Variants in MIB2 observed in about 807,000 individuals in gnomAD.
MIB2 encodes MIB E3 ubiquitin protein ligase 2.
Under a neutral mutation model 96.6 loss-of-function variants are expected in MIB2, and 78 were observed. The ratio of observed to expected loss-of-function variants is 0.81; its 90% CI spans 0.67 to 0.97. The LOEUF is 0.97. MIB2 is among the 50% of genes least tolerant of loss of function. MIB2 has a pLI of 0.00. For missense variants in MIB2, 1,543 were observed against 1,424.0 expected, an observed-to-expected ratio of 1.08 and a Z score of -1.35; for synonymous variants, 820 against 629.5, an observed-to-expected ratio of 1.30 and a Z score of -4.53.
chr1:1,615,192 CAA>C (rs1643472578), upstream of MIB2: 4 of 568,732 alleles, frequency 7.0e-6, no homozygotes, highest in African/African-American at 8.1e-5. Context: ...CTGCGTGACT[CAA>C]AACCCCGGAT....
At chr1:1,629,789 C>A (rs1250823162) in intron 19 of MIB2, 85 bp downstream of exon 19, 1 of 1,372,906 alleles carries the variant, frequency 7.3e-7, no homozygotes, top group Non-Finnish European at 9.7e-7. Context: ...CCCTCCCACA[C>A]TTCCGCCCAT....
At position 1,626,700 on chromosome 1, in the gene MIB2, C is replaced by T. The variant is rs187839862; in HGVS notation, c.1023C>T (p.Asp341=). ...TGGTCCGGGTCATCGGCGACCTTGA[C>T]ACAGTGAAGCGGCTGCAGGCTGGGC... ...GDVVRVIGDL[D]TVKRLQAGHG... is the part of the protein sequence containing the mutation. Residue 341 remains aspartate, a synonymous_variant, in exon 9 of 20, where the codon GAC becomes GAT. Transcript: ENST00000355826. This position sits in a 1 kb window ranked among gnomAD's most constrained non-coding sequence, Gnocchi z 5.3. The T allele has an allele frequency of 7.9e-4, 1,259 of 1,601,174 alleles. 11 individuals carry two copies. The East Asian group carries it at 0.027, about 34-fold the overall frequency.
chr1:1,630,161 CG>C, intron 19 of MIB2, 130 bp from the exon 20 acceptor site: 4 of 343,874 alleles, frequency 1.2e-5, no homozygotes, highest in South Asian at 3.1e-5. Context: ...TCACCCACCC[CG>C]CCAGCCCCCC....
In MIB2 at chr1:1,630,306, G is replaced by A. The variant is rs1320029593; in HGVS notation, c.2644G>A (p.Ala882Thr). 1 of 1,522,708 alleles carries A rather than the reference G, an allele frequency of 6.6e-7. No individual in the cohort carries two copies. Among genetic ancestry groups the A allele is most frequent in the Non-Finnish European group, 8.8e-7 (1 of 1,141,886 alleles). 94.3% of individuals were successfully genotyped at this position (1,522,708 alleles called of 1,614,324 possible). A position where few individuals can be genotyped will look rare whatever the true frequency, so the allele number is the denominator to read the frequency against. ...CCACCCCGCAGACGGCTCTGAGGTG[G>A]CGAGCGCCGCCCCCGCCCCCGGCCC... ...KKLRPDGSEV[A>T]SAAPAPGPPR... The change falls in exon 20 of 20, where the codon GCG becomes ACG. Residue 882 changes from alanine to threonine, a missense_variant. Ala to Thr is a moderately conservative substitution (Grantham distance 58). Transcript: ENST00000355826.
chr1:1,626,520 G>A lies in MIB2; in HGVS notation c.973-130G>A, dbSNP rs2100505261. 4 of 745,872 alleles carry A rather than the reference G, an allele frequency of 5.4e-6. No individual in the cohort carries two copies. Among genetic ancestry groups the A allele is most frequent in the Middle Eastern group, 3.9e-4 (1 of 2,550 alleles). 46.2% of individuals were successfully genotyped at this position (745,872 alleles called of 1,614,324 possible). A position where few individuals can be genotyped will look rare whatever the true frequency, so the allele number is the denominator to read the frequency against. ...GCCAGAGCCTCTGGCAGTGCCTGGGGTCGGGGTCGGGGCCGGGGCCGAGTC... is the reference window on the plus strand; with the variant it reads ...GCCAGAGCCTCTGGCAGTGCCTGGGATCGGGGTCGGGGCCGGGGCCGAGTC... On this transcript the variant is annotated intron_variant, in intron 8 of 19. Transcript: ENST00000355826. The surrounding 1 kb of genome is among the most constrained non-coding windows in gnomAD (Gnocchi z 5.3).
Position 1,630,281 on chromosome 1 carries a change from C to G in MIB2, c.2630-11C>G, listed in dbSNP as rs1454781509. 4 of 1,465,124 alleles carry G rather than the reference C, an allele frequency of 2.7e-6. No individual in the cohort carries two copies. In the Admixed American group the frequency reaches 6.4e-5, roughly 23 times the overall value. 90.8% of individuals were successfully genotyped at this position (1,465,124 alleles called of 1,614,324 possible). ...CGGCCTCCCAGCTCACACCCGTCCC[C>G]CACCCCGCAGACGGCTCTGAGGTGG... On this transcript the variant is annotated splice_polypyrimidine_tract_variant and intron_variant, in intron 19 of 19. Transcript: ENST00000355826.
chr1:1,628,809 C>A, intron 16 of MIB2, 87 bp downstream of exon 16: 3 of 1,194,052 alleles, frequency 2.5e-6, no homozygotes, highest in Non-Finnish European at 3.4e-6. Context: ...TGTCCACCTT[C>A]CCCTCCAGTG....
At chr1:1,623,290 A>T (rs1644425038) in intron 2 of MIB2, 141 bp from the exon 3 acceptor site, 1 of 1,392,248 alleles carries the variant, frequency 7.2e-7, no homozygotes. Context: ...CTAGGGCTTG[A>T]ACCAGCCTGC....
rs979567484 is a variant in MIB2, at chr1:1,626,635, C to T, written c.973-15C>T. ...CACAGCTGGGGGGCCCCTCACGCCC[C>T]TCTTTGTCGCTCAGCACCACTCCTT... On this transcript the variant is annotated splice_polypyrimidine_tract_variant and intron_variant, in intron 8 of 19. Coordinates refer to ENST00000355826, the MANE Select transcript of MIB2 (RefSeq NM_001170687.4). This position sits in a 1 kb window ranked among gnomAD's most constrained non-coding sequence, Gnocchi z 5.3. The T allele has an allele frequency of 2.6e-6, 4 of 1,539,216 alleles. No homozygotes were observed. The highest frequency in any genetic ancestry group is 3.5e-6 in the Non-Finnish European group (4 of 1,144,642).
Position 1,625,086 on chromosome 1 carries a change from A to C in MIB2, c.622A>C (p.Thr208Pro). The C allele has an allele frequency of 6.2e-7, 1 of 1,613,278 alleles. No individual in the cohort carries two copies. The highest frequency in any genetic ancestry group is 8.5e-7 in the Non-Finnish European group (1 of 1,179,996). Residue 208 changes from threonine to proline, a missense_variant, in exon 6 of 20, where the codon ACC (threonine) becomes CCC (proline). By Grantham distance (38) the Thr-to-Pro change is conservative. Coordinates refer to ENST00000355826, the MANE Select transcript of MIB2 (RefSeq NM_001170687.4). This position sits in a 1 kb window ranked among gnomAD's most constrained non-coding sequence, Gnocchi z 5.0. The part of the protein sequence containing the change: ...VASVTWADGT[T>P]NVYRVGHKGK... The stretch of plus-strand genomic sequence containing the variant: ...CAGCGTGACGTGGGCTGATGGTACC[A>C]CCAATGTGTACCGTGTGGGCCACAA...
chr1:1,624,005 C>G, intron 4 of MIB2, 60 bp downstream of exon 4: 1 of 1,537,354 alleles, frequency 6.5e-7, no homozygotes, highest in Non-Finnish European at 8.8e-7. Context: ...CCACTGGGGC[C>G]TTGGCCTTCG....
rs1644589023 is a variant in MIB2, at chr1:1,624,873, C to T, written c.498C>T (p.Gly166=). 2 of 1,613,026 alleles carry T rather than the reference C, an allele frequency of 1.2e-6. No homozygotes were observed. The highest frequency in any genetic ancestry group is 1.3e-5 in the African/African-American group (1 of 75,072). The change falls in exon 5 of 20, where the codon GGC becomes GGT. Residue 166 remains glycine (G), a synonymous_variant. Transcript: ENST00000355826. Reference sequence around the variant, plus strand: ...TCCAGGGAGCGAAGGTGGTGCGAGGCCCCGACTGGGAGTGGGGCTCACAGG... The same window carrying T: ...TCCAGGGAGCGAAGGTGGTGCGAGGTCCCGACTGGGAGTGGGGCTCACAGG... The part of the protein sequence containing the change: ...GIFQGAKVVR[G]PDWEWGSQDG...
rs961660028 is a variant in MIB2, at chr1:1,626,262, A to C, written c.973-388A>C. On this transcript the variant is annotated intron_variant, in intron 8 of 19. Coordinates refer to ENST00000355826, the MANE Select transcript of MIB2 (RefSeq NM_001170687.4). The surrounding 1 kb of genome is among the most constrained non-coding windows in gnomAD (Gnocchi z 5.3). ...GTGAGTTCCCTGCATATGAGGGCTC[A>C]GGTGGGGCAGAGTGGGCCCGTCCTG... The C allele has an allele frequency of 2.7e-4, 73 of 269,150 alleles. No individual in the cohort carries two copies. Among genetic ancestry groups the C allele is most frequent in the African/African-American group, 1.5e-3 (66 of 45,082 alleles). 16.7% of individuals were successfully genotyped at this position (269,150 alleles called of 1,614,324 possible).
rs1333467480 is a variant in MIB2, at chr1:1,630,307, C to G, written c.2645C>G (p.Ala882Gly). ...KKLRPDGSEV[A>G]SAAPAPGPPR... ...CACCCCGCAGACGGCTCTGAGGTGG[C>G]GAGCGCCGCCCCCGCCCCCGGCCCG... The change falls in exon 20 of 20, where the codon GCG (alanine) becomes GGG (glycine). Residue 882 changes from alanine (A) to glycine (G), a missense_variant. Coordinates refer to ENST00000355826, the MANE Select transcript of MIB2 (RefSeq NM_001170687.4). 1 of 1,398,562 alleles carries G rather than the reference C, an allele frequency of 7.2e-7. No homozygotes were observed. The highest frequency in any genetic ancestry group is 9.4e-7 in the Non-Finnish European group (1 of 1,062,494). 86.6% of individuals were successfully genotyped at this position (1,398,562 alleles called of 1,614,324 possible). A position where few individuals can be genotyped will look rare whatever the true frequency, so the allele number is the denominator to read the frequency against.
rs1489812947 is a variant in MIB2, at chr1:1,615,517, G to A, written c.-246G>A. On this transcript the variant is annotated 5_prime_UTR_variant, in exon 1 of 20. Coordinates refer to ENST00000355826, the MANE Select transcript of MIB2 (RefSeq NM_001170687.4). ...GGGCTCCCGCCCTTCGGGTCCCACA[G>A]TTTCCAGCCGCCGCTCTCCTCAGTG... 3 of 1,530,960 alleles carry A rather than the reference G, an allele frequency of 2.0e-6. No homozygotes were observed. In the Admixed American group the frequency reaches 5.9e-5, roughly 30 times the overall value. The allele number at this position is 1,530,960 out of a possible 1,614,324, so 94.8% of individuals were successfully genotyped here. A position where few individuals can be genotyped will look rare whatever the true frequency, so the allele number is the denominator to read the frequency against.
rs372743884 is a variant in MIB2, at chr1:1,626,266, G to A, written c.973-384G>A. Reference sequence around the variant, plus strand: ...GTTCCCTGCATATGAGGGCTCAGGTGGGGCAGAGTGGGCCCGTCCTGCACC... The same window carrying A: ...GTTCCCTGCATATGAGGGCTCAGGTAGGGCAGAGTGGGCCCGTCCTGCACC... On this transcript the variant is annotated intron_variant, in intron 8 of 19. Transcript: ENST00000355826. The surrounding 1 kb of genome is among the most constrained non-coding windows in gnomAD (Gnocchi z 5.3). 1 of 277,602 alleles carries A rather than the reference G, an allele frequency of 3.6e-6. No homozygotes were observed. The allele number at this position is 277,602 out of a possible 1,614,324, so 17.2% of individuals were successfully genotyped here.
rs1324550948 is a variant in MIB2, at chr1:1,625,532, A to G, written c.865-14A>G. The G allele has an allele frequency of 1.9e-6, 3 of 1,539,640 alleles. No individual in the cohort carries two copies. The highest frequency in any genetic ancestry group is 3.9e-5 in the Admixed American group (2 of 51,522). ...TCCAGCCCGACCCAGCCACAGCTCC[A>G]TGACCCGCCACAGTTTATCGGACAG... On this transcript the variant is annotated splice_polypyrimidine_tract_variant and intron_variant, in intron 7 of 19. Coordinates refer to ENST00000355826, the MANE Select transcript of MIB2 (RefSeq NM_001170687.4). The surrounding 1 kb of genome is among the most constrained non-coding windows in gnomAD (Gnocchi z 5.0).
chr1:1,629,825 C>T (rs866647379), intron 19 of MIB2, 121 bp downstream of exon 19: 1,752 of 1,123,078 alleles, frequency 1.6e-3, no homozygotes, highest in Non-Finnish European at 1.9e-3. Flanking sequence ...TACACCCCGC[C>T]CTCCCAAGGC....
chr1:1,623,764 C>G lies in MIB2; in HGVS notation c.248-10C>G. ...GCGGGAACGCCCCTCTGACCCCACC[C>G]CACCCCCAGGCGTCCGGCACCCCAA... On this transcript the variant is annotated splice_polypyrimidine_tract_variant and intron_variant, in intron 3 of 19. Transcript: ENST00000355826. 2 of 1,584,316 alleles carry G rather than the reference C, an allele frequency of 1.3e-6. No individual in the cohort carries two copies. Among genetic ancestry groups the G allele is most frequent in the Non-Finnish European group, 1.7e-6 (2 of 1,166,572 alleles).
Sources: gnomAD v4.1 joint callset for allele counts on GRCh38, gnomAD v4.1.1 for gene constraint, Gnocchi (gnomAD v3.1) non-coding constraint, MANE v1.5 for transcripts, NCBI Gene and HGNC (gene_info 2026-07-23, HGNC 2026-07-21) for gene names.